The following AGFG2 variants were observed in gnomAD, a reference collection of about 807,000 sequenced individuals.
AGFG2 encodes arf-GAP domain and FG repeat-containing protein 2.
Under a neutral mutation model 48.0 loss-of-function variants are expected in AGFG2, and 31 were observed. That is an observed-to-expected ratio of 0.65 (90% confidence interval 0.49 to 0.87). The LOEUF (loss-of-function observed/expected upper bound fraction) is 0.87. Ranked by LOEUF, AGFG2 falls within the 40% of genes least tolerant of loss-of-function variation. The pLI is 0.00. For missense variants in AGFG2, 599 were observed against 632.6 expected (o/e 0.95, Z 0.57); for synonymous variants, 229 against 260.8 (o/e 0.88, Z 1.18).
intron 5 of AGFG2, among the ~76,000 whole-genome samples, chr7:100,555,343 G>C (rs1044522644): frequency 3.9e-4 from 51 of 131,424 alleles, no homozygotes; most frequent in Admixed American, 2.6e-3. Flanking sequence ...GCACAATCTC[G>C]GCTCACTGCT....
intron 1 of AGFG2, among the ~76,000 whole-genome samples, chr7:100,539,944 A>G (rs765959464): frequency 6.6e-6 from 1 of 151,996 alleles, no homozygotes; most frequent in Admixed American, 6.6e-5. Context: ...AGAAAATGAC[A>G]TGCACCTTTA....
intron 3 of AGFG2, among the ~76,000 whole-genome samples, chr7:100,552,129 C>T (rs1026124062): frequency 4.0e-5 from 6 of 151,604 alleles, no homozygotes; most frequent in East Asian, 1.9e-4. Flanking sequence ...ACCTGTAATC[C>T]GAGCTACTCA....
In AGFG2 at chr7:100,563,860, G is replaced by A. The variant is rs1426020785; in HGVS notation, c.1198G>A (p.Gly400Arg). 6.2e-7 allele frequency: 1 copy of A among 1,611,346 alleles called. No individual in the cohort carries two copies. Among genetic ancestry groups the A allele is most frequent in the Admixed American group, 1.7e-5 (1 of 60,022 alleles). The change falls in exon 10 of 12, where the codon GGG becomes AGG. Residue 400 changes from glycine to arginine, a missense_variant. By Grantham distance (125) the Gly-to-Arg change is moderately radical. Transcript: ENST00000300176. Reference protein sequence around the residue: ...PGPGFGMSSAGPGFPQAVPPT... With the variant: ...PGPGFGMSSARPGFPQAVPPT... Reference sequence around the variant, plus strand: ...GCCCGGCTTTGGGATGAGCAGTGCTGGGCCTGGCTTCCCCCAGGCAGTGCC... The same window carrying A: ...GCCCGGCTTTGGGATGAGCAGTGCTAGGCCTGGCTTCCCCCAGGCAGTGCC...
intron 5 of AGFG2, among the ~76,000 whole-genome samples, chr7:100,554,709 C>T (rs149320096): frequency 6.1e-4 from 93 of 151,918 alleles, no homozygotes; most frequent in African/African-American, 2.2e-3. Context: ...CTGAGGTGGG[C>T]AGATCACCTG....
At chr7:100,552,606 G>T (rs955560559) in intron 3 of AGFG2, among the ~76,000 whole-genome samples, 1 of 152,232 alleles carries the variant, frequency 6.6e-6, no homozygotes, top group Non-Finnish European at 1.5e-5. Context: ...GTGAGGTAGA[G>T]AAGAGAATGC....
intron 10 of AGFG2, 113 bp from the exon 11 acceptor site, chr7:100,564,105 G>T: frequency 6.6e-7 from 1 of 1,524,598 alleles, no homozygotes. Context: ...AGACCCGCCC[G>T]GGTACTTCCA....
intron 6 of AGFG2, among the ~76,000 whole-genome samples, chr7:100,559,668 A>T (rs1800823425): frequency 6.6e-6 from 1 of 151,992 alleles, no homozygotes; most frequent in South Asian, 2.1e-4. Context: ...AATACAAATA[A>T]TTAGCTGGCC....
rs1368740921 is a variant in AGFG2, at chr7:100,566,461, G to A, written c.*1470G>A. 6.6e-6 allele frequency: 1 copy of A among 152,302 alleles called. No individual in the cohort carries two copies. The highest frequency in any genetic ancestry group is 1.9e-4 in the East Asian group (1 of 5,198). 9.4% of individuals were successfully genotyped at this position (152,302 alleles called of 1,614,324 possible). ...CTGGCTGGGCAGAGGCCACCTTGCT[G>A]TTTGGCCCAAGGCCAGGTGAGGCCC... On this transcript the variant is annotated 3_prime_UTR_variant, in exon 12 of 12. Coordinates refer to ENST00000300176, the MANE Select transcript of AGFG2 (RefSeq NM_006076.5).
rs1366477892 is a variant in AGFG2 at position 100,539,512 on chromosome 7, A to C, written c.166A>C (p.Thr56Pro). 10 of 1,305,926 alleles carry C rather than the reference A, an allele frequency of 7.7e-6. No individual in the cohort carries two copies. The allele number at this position is 1,305,926 out of a possible 1,614,324, so 80.9% of individuals were successfully genotyped here. Reference sequence around the variant, plus strand: ...CTTCGAGTGCGCCCAGCGCGGGGTCACCTACGTGGATATCACCGTGGGCAG... The same window carrying C: ...CTTCGAGTGCGCCCAGCGCGGGGTCCCCTACGTGGATATCACCGTGGGCAG... ...HCFECAQRGV[T>P]YVDITVGSFV... is the part of the protein sequence containing the mutation. Residue 56 changes from threonine to proline, a missense_variant, in exon 1 of 12, where the codon ACC (threonine) becomes CCC (proline). Physicochemically the swap from Thr to Pro is conservative, Grantham distance 38 (BLOSUM62 -1). Transcript: ENST00000300176.
chr7:100,559,804 A>G (rs996728094), intron 6 of AGFG2, among the ~76,000 whole-genome samples: 13 of 150,474 alleles, frequency 8.6e-5, no homozygotes, highest in African/African-American at 2.9e-4. Flanking sequence ...GGCAATTGGA[A>G]TGAGACCCTG....
chr7:100,563,785 A>G (rs1001725824), intron 9 of AGFG2, 49 bp from the exon 10 acceptor site: 4 of 1,604,118 alleles, frequency 2.5e-6, no homozygotes, highest in Admixed American at 3.4e-5. Flanking sequence ...ACAGTTCTCC[A>G]GCCCACCTTC....
intron 3 of AGFG2, among the ~76,000 whole-genome samples, chr7:100,550,863 ATTT>A (rs200926772): frequency 2.2e-5 from 3 of 133,966 alleles, no homozygotes; most frequent in Non-Finnish European, 1.6e-5. Context: ...TCATTTTATG[ATTT>A]TTTTTTTTTT....
At chr7:100,556,541 C>CT in intron 6 of AGFG2, 1 of 1,276,936 alleles carries the variant, frequency 7.8e-7, no homozygotes. Flanking sequence ...GACATACACT[C>CT]TTTCTTTCTC....
Position 100,539,330 on chromosome 7 carries a change from G to C in AGFG2, c.-17G>C. On this transcript the variant is annotated 5_prime_UTR_variant, in exon 1 of 12. Transcript: ENST00000300176. ...TGAAGGGGTGATTGCTGACTAGCGG[G>C]GAGGGAGTGGGCAGCGATGGTGATG... 2 of 1,274,172 alleles carry C rather than the reference G, an allele frequency of 1.6e-6. No homozygotes were observed. Among genetic ancestry groups the C allele is most frequent in the Non-Finnish European group, 2.0e-6 (2 of 1,006,278 alleles). 78.9% of individuals were successfully genotyped at this position (1,274,172 alleles called of 1,614,324 possible).
Position 100,559,133 on chromosome 7 carries a change from A to G in AGFG2, c.878-3126A>G, listed in dbSNP as rs191660158. ...GACAGAGCAAGACTCTGTCTCAAAC[A>G]AAACAAAAACAGTCAATCTACAGCC... On this transcript the variant is annotated intron_variant, in intron 6 of 11. Transcript: ENST00000300176. 3.3e-3 allele frequency among the ~76,000 whole-genome samples: 495 copies of G among 152,272 alleles called. 10 individuals carry two copies. The highest frequency in any genetic ancestry group is 0.03 in the Admixed American group (465 of 15,284).
At position 100,562,642 on chromosome 7, in the gene AGFG2, G is replaced by C. The variant is rs1191950292; in HGVS notation, c.1047G>C (p.Met349Ile). Residue 349 changes from methionine to isoleucine, a missense_variant, in exon 8 of 12, where the codon ATG becomes ATC. Met to Ile is a conservative substitution (Grantham distance 10). Coordinates refer to ENST00000300176, the MANE Select transcript of AGFG2 (RefSeq NM_006076.5). The surrounding 1 kb of genome is among the most constrained non-coding windows in gnomAD (Gnocchi z 5.4). ...GQVPPLQSVT[M>I]GGGGGSSTGL... ...TCCCCCCGCTCCAGTCTGTCACGATGGGCGGCGGCGGCGGCAGCAGCACAG... is the reference window on the plus strand; with the variant it reads ...TCCCCCCGCTCCAGTCTGTCACGATCGGCGGCGGCGGCGGCAGCAGCACAG... 4 of 1,609,830 alleles carry C rather than the reference G, an allele frequency of 2.5e-6. No homozygotes were observed. The African/African-American group carries it at 4.0e-5, about 16-fold the overall frequency.
At chr7:100,563,294 C>T (rs142813250) in intron 9 of AGFG2, among the ~76,000 whole-genome samples, 14 of 152,358 alleles carry the variant, frequency 9.2e-5, no homozygotes, top group East Asian at 1.9e-4. Flanking sequence ...GAAACACTCA[C>T]GCTGTTCCCT....
rs1584391628 is a variant in AGFG2, at chr7:100,562,161, A to T, written c.878-98A>T. 1.3e-5 allele frequency: 20 copies of T among 1,490,368 alleles called. No individual in the cohort carries two copies. In the East Asian group the frequency reaches 3.9e-4, roughly 29 times the overall value. 92.3% of individuals were successfully genotyped at this position (1,490,368 alleles called of 1,614,324 possible). A position where few individuals can be genotyped will look rare whatever the true frequency, so the allele number is the denominator to read the frequency against. On this transcript the variant is annotated intron_variant, in intron 6 of 11. Coordinates refer to ENST00000300176, the MANE Select transcript of AGFG2 (RefSeq NM_006076.5). The surrounding 1 kb of genome is among the most constrained non-coding windows in gnomAD (Gnocchi z 5.4). ...CCCAGCAGGCACCTGTCATGCCATG[A>T]CTCCAATCCATCACCACCACCACCT...
intron 1 of AGFG2, among the ~76,000 whole-genome samples, chr7:100,546,175 C>T (rs374054523): frequency 6.7e-6 from 1 of 149,040 alleles, no homozygotes; most frequent in African/African-American, 2.5e-5. Context: ...CCCCGCCCGC[C>T]ACCCCCACCA....
Sources: allele counts gnomAD v4.1 joint callset (sites outside exome capture counted in the v4.1 genomes callset), GRCh38; gene constraint gnomAD v4.1.1; non-coding constraint Gnocchi (gnomAD v3.1); transcripts MANE v1.5; gene names NCBI Gene and HGNC (gene_info 2026-07-23, HGNC 2026-07-21).